ZNF131: variants seen among roughly 807,000 people sequenced by gnomAD.
The protein encoded by ZNF131 is zinc finger protein 131.
A neutral mutation model predicts 60.0 loss-of-function variants in ZNF131; 7 were observed. The ratio of observed to expected loss-of-function variants is 0.12; its 90% CI spans 0.07 to 0.22. The LOEUF is 0.22. ZNF131 is among the 10% of genes least tolerant of loss of function. The pLI is 1.00. For synonymous variants in ZNF131, 257 were observed against 253.2 expected (o/e 1.01, Z -0.14); for missense variants, 493 against 740.9 (o/e 0.67, Z 3.88).
At chr5:43,127,072 T>A (rs1043204659) in intron 3 of ZNF131, among the ~76,000 whole-genome samples, 1 of 152,150 alleles carries the variant, frequency 6.6e-6, no homozygotes, top group Admixed American at 6.5e-5. Context: ...TCAAATTACT[T>A]TTCAGAGTCC....
intron 5 of ZNF131, among the ~76,000 whole-genome samples, chr5:43,164,274 C>T (rs983345853): frequency 2.0e-5 from 3 of 152,094 alleles, no homozygotes; most frequent in East Asian, 1.9e-4. Flanking sequence ...TCCACAGGGC[C>T]GGCTGCAGGA....
At position 43,161,704 on chromosome 5, in the gene ZNF131, T is replaced by A. The variant is rs1749716753; in HGVS notation, c.827T>A (p.Phe276Tyr). The change falls in exon 5 of 7, where the codon TTT becomes TAT. Residue 276 changes from phenylalanine (F) to tyrosine (Y), a missense_variant. By Grantham distance (22) the Phe-to-Tyr change is conservative (BLOSUM62 3). Around this residue, in one of 7 missense-constraint regions of ZNF131, gnomAD observed 26 missense variants for 63.3 expected, o/e 0.41. Coordinates refer to ENST00000682664, the MANE Select transcript of ZNF131 (RefSeq NM_001330707.2). Reference sequence around the variant, plus strand: ...CGTTCATTTAAATTGTTTTACCATTTTAAGGAGCACATGAAATCACACTCC... The same window carrying A: ...CGTTCATTTAAATTGTTTTACCATTATAAGGAGCACATGAAATCACACTCC... Reference protein sequence around the residue: ...CNRSFKLFYHFKEHMKSHSTE... With the variant: ...CNRSFKLFYHYKEHMKSHSTE... 6.2e-7 allele frequency: 1 copy of A among 1,614,114 alleles called. No individual in the cohort carries two copies. The highest frequency in any genetic ancestry group is 2.2e-5 in the East Asian group (1 of 44,900).
At chr5:43,130,618 G>A (rs920368467) in intron 3 of ZNF131, among the ~76,000 whole-genome samples, 1 of 152,096 alleles carries the variant, frequency 6.6e-6, no homozygotes, top group Non-Finnish European at 1.5e-5. Context: ...AGGCTGGAGT[G>A]CAATGGTGTG....
At chr5:43,156,992 A>G (rs912813079) in intron 4 of ZNF131, among the ~76,000 whole-genome samples, 1 of 152,176 alleles carries the variant, frequency 6.6e-6, no homozygotes, top group African/African-American at 2.4e-5. Context: ...GACCACAAGA[A>G]TTCGTATTAC....
intron 5 of ZNF131, among the ~76,000 whole-genome samples, chr5:43,165,061 C>G (rs1750182932): frequency 6.6e-6 from 1 of 152,226 alleles, no homozygotes; most frequent in African/African-American, 2.4e-5. Flanking sequence ...AGTGATCCTT[C>G]TACCTCAGCT....
chr5:43,132,505 CTTTTTTTTTTTT>C (rs4050538), intron 3 of ZNF131, among the ~76,000 whole-genome samples: 11 of 93,506 alleles, frequency 1.2e-4, no homozygotes, highest in South Asian at 3.7e-4. Context: ...GAATGGTATT[CTTTTTTTTTTTT>C]TTTTTTTTTT....
At chr5:43,150,394 T>A (rs958706685) in intron 4 of ZNF131, among the ~76,000 whole-genome samples, 1 of 151,952 alleles carries the variant, frequency 6.6e-6, no homozygotes, top group African/African-American at 2.4e-5. Context: ...CCATGGAGAG[T>A]TGTCTTGTTC....
At chr5:43,140,640 A>T (rs1746697883) in intron 4 of ZNF131, among the ~76,000 whole-genome samples, 1 of 152,252 alleles carries the variant, frequency 6.6e-6, no homozygotes, top group Non-Finnish European at 1.5e-5. Flanking sequence ...TAGCGGCACA[A>T]TGATTTAATC....
chr5:43,166,144 C>G (rs541961105), intron 5 of ZNF131, among the ~76,000 whole-genome samples: 6 of 152,302 alleles, frequency 3.9e-5, no homozygotes, highest in African/African-American at 1.4e-4. Flanking sequence ...AGGTTACTCA[C>G]TCTTTCTTCA....
At chr5:43,146,947 A>G (rs1352850678) in intron 4 of ZNF131, among the ~76,000 whole-genome samples, 3 of 152,166 alleles carry the variant, frequency 2.0e-5, no homozygotes, top group Non-Finnish European at 4.4e-5. Flanking sequence ...AGACACCACC[A>G]CAATCAAGAT....
chr5:43,160,853 G>A (rs1034337716), intron 4 of ZNF131, among the ~76,000 whole-genome samples: 1 of 151,766 alleles, frequency 6.6e-6, no homozygotes, highest in African/African-American at 2.4e-5. Flanking sequence ...AGCTAATTTT[G>A]TATTTTTAGT....
chr5:43,160,956 C>T (rs953290735), intron 4 of ZNF131, among the ~76,000 whole-genome samples: 1 of 152,172 alleles, frequency 6.6e-6, no homozygotes, highest in Non-Finnish European at 1.5e-5. Flanking sequence ...GTTGCGATTA[C>T]AGGCATGAGC....
intron 3 of ZNF131, among the ~76,000 whole-genome samples, chr5:43,131,164 C>T (rs912118697): frequency 6.6e-6 from 1 of 151,866 alleles, no homozygotes; most frequent in Non-Finnish European, 1.5e-5. Context: ...AGCGCCCGGC[C>T]TCCAAGCTTA....
At chr5:43,143,897 G>GC (rs1747187566) in intron 4 of ZNF131, among the ~76,000 whole-genome samples, 2 of 68,328 alleles carry the variant, frequency 2.9e-5, no homozygotes, top group Admixed American at 2.0e-4. Context: ...TATTGTCAGA[G>GC]CTTTTTTTTT....
intron 4 of ZNF131, among the ~76,000 whole-genome samples, chr5:43,150,548 G>T (rs1230646382): frequency 6.6e-6 from 1 of 151,956 alleles, no homozygotes; most frequent in Non-Finnish European, 1.5e-5. Context: ...CCAGCACTTT[G>T]GGAGGCCGAG....
At chr5:43,169,876 C>A (rs1441196635) in intron 5 of ZNF131, among the ~76,000 whole-genome samples, 3 of 151,812 alleles carry the variant, frequency 2.0e-5, no homozygotes, top group African/African-American at 7.3e-5. Context: ...CTGCAACCTC[C>A]GTCTTCTGGT....
intron 4 of ZNF131, among the ~76,000 whole-genome samples, chr5:43,159,460 G>A (rs950654417): frequency 1.3e-5 from 2 of 151,972 alleles, no homozygotes; most frequent in Non-Finnish European, 2.9e-5. Flanking sequence ...TTGGGAGGCC[G>A]AGGTGGGCAG....
intron 3 of ZNF131, among the ~76,000 whole-genome samples, chr5:43,128,744 G>C (rs1047820873): frequency 1.4e-5 from 2 of 147,984 alleles, no homozygotes; most frequent in Admixed American, 1.4e-4. Flanking sequence ...TGATTCCAAA[G>C]ATCAGGTACC....
chr5:43,153,489 A>AT (rs61645691), intron 4 of ZNF131, among the ~76,000 whole-genome samples: 1 of 128,802 alleles, frequency 7.8e-6, no homozygotes. Flanking sequence ...AAAAAAAAAA[A>AT]GCAAAATTAG....
Sources: gnomAD v4.1 joint callset for allele counts (sites outside exome capture counted in the v4.1 genomes callset) on GRCh38, gnomAD v4.1.1 for gene constraint, gnomAD v4.1.1 regional missense constraint, MANE v1.5 for transcripts, NCBI Gene and HGNC (gene_info 2026-07-23, HGNC 2026-07-21) for gene names.